The following AOPEP variants were observed in gnomAD, a reference collection of about 807,000 sequenced individuals.
AOPEP encodes the protein aminopeptidase O.
AOPEP carries 77 observed loss-of-function variants against 98.1 expected under a neutral mutation model. The ratio of observed to expected loss-of-function variants is 0.78; its 90% CI spans 0.65 to 0.95. AOPEP has a LOEUF of 0.95. Ranked by LOEUF, AOPEP falls within the 40% of genes least tolerant of loss-of-function variation. AOPEP has a pLI of 0.00. For missense variants in AOPEP, 1,024 were observed against 1,024.7 expected, an observed-to-expected ratio of 1.00 and a Z score of 0.01; for synonymous variants, 346 against 365.3, an observed-to-expected ratio of 0.95 and a Z score of 0.60.
At chr9:95,053,638 CCTT>C (rs1366199750) in intron 13 of AOPEP, among the ~76,000 whole-genome samples, 2 of 152,164 alleles carry the variant, frequency 1.3e-5, no homozygotes, top group African/African-American at 4.8e-5. Flanking sequence ...TGTATACTCT[CCTT>C]CAAGATAAAT....
rs75921492 is a variant in AOPEP at position 94,755,673 on chromosome 9, T to C, written c.-135-3976T>C. 9.2e-5 allele frequency among the ~76,000 whole-genome samples: 14 copies of C among 152,218 alleles called. No individual in the cohort carries two copies. The East Asian group carries it at 2.1e-3, about 23-fold the overall frequency. ...CAAAGGAAGATGTGGAAAAGAGACT[T>C]AGAGGTGACATTTGATTTATGACTT... is the stretch of plus-strand genomic sequence containing the variant. On this transcript the variant is annotated intron_variant, in intron 1 of 16. Coordinates refer to ENST00000375315, the MANE Select transcript of AOPEP (RefSeq NM_001193329.3).
chr9:94,887,198 A>G (rs960440447), intron 5 of AOPEP, among the ~76,000 whole-genome samples: 1 of 152,014 alleles, frequency 6.6e-6, no homozygotes, highest in African/African-American at 2.4e-5. Flanking sequence ...TTAAAAAAAA[A>G]TTAGTCAAGT....
At chr9:94,967,428 G>T (rs949573654) in intron 9 of AOPEP, among the ~76,000 whole-genome samples, 2 of 152,182 alleles carry the variant, frequency 1.3e-5, no homozygotes, top group Non-Finnish European at 2.9e-5. Context: ...GGAGGCGATG[G>T]GGGAGTAGAG....
intron 1 of AOPEP, among the ~76,000 whole-genome samples, chr9:94,749,574 T>C (rs1007110229): frequency 2.0e-5 from 3 of 152,224 alleles, no homozygotes; most frequent in African/African-American, 7.2e-5. Context: ...TTTCACGTTT[T>C]TCTGTTCTTT....
At chr9:94,880,423 A>G (rs1194864157) in intron 5 of AOPEP, among the ~76,000 whole-genome samples, 1 of 134,874 alleles carries the variant, frequency 7.4e-6, no homozygotes, top group African/African-American at 2.9e-5. Context: ...CTGGAGTGCC[A>G]TGGCGTGACC....
rs767338197 is a variant in AOPEP at position 95,080,697 on chromosome 9, C to T, written c.2236C>T (p.Arg746Cys). ...GGGCTCTCTCTTGTTCCTCCAGGTT[C>T]GCCATCGGTGGTGTGAACTCATTGT... ...YHLQDQDAEVRHRWCELIVKH... is the reference protein window; with the variant it reads ...YHLQDQDAEVCHRWCELIVKH... The change falls in exon 15 of 17, where the codon CGC becomes TGC. Residue 746 changes from arginine (R) to cysteine (C), a missense_variant. Around this residue, in one of 3 missense-constraint regions of AOPEP, gnomAD observed 566 missense variants for 551.7 expected, o/e 1.03. Transcript: ENST00000375315. 12 of 1,612,966 alleles carry T rather than the reference C, an allele frequency of 7.4e-6. No individual in the cohort carries two copies. The highest frequency in any genetic ancestry group is 3.3e-5 in the South Asian group (3 of 91,006).
At chr9:94,940,172 G>A (rs1166033749) in intron 7 of AOPEP, among the ~76,000 whole-genome samples, 4 of 152,206 alleles carry the variant, frequency 2.6e-5, no homozygotes, top group Non-Finnish European at 5.9e-5. Context: ...CCCCTTAGCT[G>A]TAAAACAGGG....
chr9:94,853,315 C>T (rs2043786116), intron 5 of AOPEP, among the ~76,000 whole-genome samples: 1 of 152,000 alleles, frequency 6.6e-6, no homozygotes, highest in Non-Finnish European at 1.5e-5. Context: ...CAAAAATTAG[C>T]CGGGTGTGGT....
intron 3 of AOPEP, among the ~76,000 whole-genome samples, chr9:94,787,736 A>G (rs1208755705): frequency 5.9e-5 from 9 of 152,184 alleles, no homozygotes; most frequent in Admixed American, 5.2e-4. Context: ...ATTATTTTAC[A>G]TTAAATATGC....
chr9:94,930,063 T>C lies in AOPEP; in HGVS notation c.1661+1532T>C, dbSNP rs1386131793. Among the ~76,000 whole-genome samples, 1 of 152,196 alleles carries C rather than the reference T, an allele frequency of 6.6e-6. No homozygotes were observed. Among genetic ancestry groups the C allele is most frequent in the Non-Finnish European group, 1.5e-5 (1 of 68,038 alleles). On this transcript the variant is annotated intron_variant, in intron 7 of 16. Transcript: ENST00000375315. The surrounding 1 kb of genome is among the most constrained non-coding windows in gnomAD (Gnocchi z 4.5). ...CCTTCAGCAGGAAGGTGGTATGATC[T>C]GCTCAGTATTTGGACGGTGCTGCTC...
At chr9:94,935,864 C>T (rs1489523833) in intron 7 of AOPEP, among the ~76,000 whole-genome samples, 1 of 152,156 alleles carries the variant, frequency 6.6e-6, no homozygotes, top group Non-Finnish European at 1.5e-5. Flanking sequence ...ACTGATCATC[C>T]CCTCTACCCT....
intron 5 of AOPEP, among the ~76,000 whole-genome samples, chr9:94,802,328 T>C (rs563273358): frequency 3.3e-4 from 50 of 152,284 alleles, no homozygotes; most frequent in African/African-American, 1.2e-3. Flanking sequence ...TTCATGAGAA[T>C]TGCAGTTTTT....
rs57837059 is a variant in AOPEP, at chr9:95,041,446, GGT to G, written c.2116-19214_2116-19213del. 8.4e-3 allele frequency among the ~76,000 whole-genome samples: 1,198 copies of G among 142,094 alleles called. 20 individuals are homozygous for G. Among genetic ancestry groups the G allele is most frequent in the African/African-American group, 0.029 (1,123 of 38,132 alleles). The allele number at this position is 142,094 out of a possible 152,430, so 93.2% of individuals were successfully genotyped here. ...ATACTGTGTACTCAGAGTCCTTGGG[GGT>G]GTGTGTGTGTGTGTGTGTGTGTGTG... On this transcript the variant is annotated intron_variant, in intron 13 of 16. Transcript: ENST00000375315.
rs144231333 is a variant in AOPEP, at chr9:94,810,561, C to T, written c.1364+9559C>T. Among the ~76,000 whole-genome samples the T allele has an allele frequency of 5.5e-3, 843 of 152,238 alleles. 6 individuals are homozygous for T. Among genetic ancestry groups the T allele is most frequent in the Non-Finnish European group, 7.7e-3 (521 of 68,020 alleles). On this transcript the variant is annotated intron_variant, in intron 5 of 16. Coordinates refer to ENST00000375315, the MANE Select transcript of AOPEP (RefSeq NM_001193329.3). The stretch of plus-strand genomic sequence containing the variant: ...AACTCCTCACCTCAAATGATCCACC[C>T]ACCTCAGCCCCCCAAAGTGCTGGGA...
downstream of AOPEP, among the ~76,000 whole-genome samples, chr9:95,091,112 G>A (rs1221590940): frequency 2.0e-5 from 3 of 152,254 alleles, no homozygotes; most frequent in African/African-American, 7.2e-5. Flanking sequence ...CCACAGAGCA[G>A]CTGAAAGCAA....
chr9:95,114,326 G>A, the AOPEP span: 1 of 399,168 alleles, frequency 2.5e-6, no homozygotes, highest in Non-Finnish European at 4.8e-6. Flanking sequence ...TTTTTCCAAG[G>A]CCTCTTCTTT....
intron 4 of AOPEP, 122 bp from the exon 5 acceptor site, chr9:94,800,635 T>A: frequency 1.0e-6 from 1 of 991,594 alleles, no homozygotes; most frequent in Non-Finnish European, 1.6e-6. Context: ...AAATGAGCAG[T>A]CTTTGCTTGT....
chr9:95,002,456 G>GC (rs145789124), intron 11 of AOPEP, among the ~76,000 whole-genome samples: 9,771 of 152,212 alleles, frequency 0.064, 936 homozygotes, highest in African/African-American at 0.21. Flanking sequence ...CACAGAGTGA[G>GC]CCCTAATGTA....
intron 7 of AOPEP, among the ~76,000 whole-genome samples, chr9:94,937,078 C>T (rs957465554): frequency 1.3e-5 from 2 of 152,208 alleles, no homozygotes; most frequent in Non-Finnish European, 2.9e-5. Flanking sequence ...CTTTGGTGGT[C>T]AACTTGACCT....
Sources: gnomAD v4.1 joint callset for allele counts (sites outside exome capture counted in the v4.1 genomes callset) on GRCh38, gnomAD v4.1.1 for gene constraint, gnomAD v4.1.1 regional missense constraint, Gnocchi (gnomAD v3.1) non-coding constraint, MANE v1.5 for transcripts, NCBI Gene and HGNC (gene_info 2026-07-23, HGNC 2026-07-21) for gene names.